The following BMP2K variants were observed in gnomAD, a reference collection of about 807,000 sequenced individuals.
BMP2K encodes the protein BMP2 inducible kinase, also known as BMP-2-inducible protein kinase.
A neutral mutation model predicts 116.0 loss-of-function variants in BMP2K; 74 were observed. The ratio of observed to expected loss-of-function variants is 0.64; its 90% CI spans 0.53 to 0.77. The LOEUF is 0.77. BMP2K is among the 30% of genes least tolerant of loss of function. The pLI is 0.00. For missense variants in BMP2K, 1,365 were observed against 1,403.6 expected (o/e 0.97, Z 0.44); for synonymous variants, 486 against 502.5 (o/e 0.97, Z 0.44).
intron 5 of BMP2K, 80 bp from the exon 6 acceptor site, chr4:78,847,108 T>A: frequency 1.3e-6 from 1 of 787,746 alleles, no homozygotes. Flanking sequence ...TGTAGTGTTT[T>A]ATGTAGAAAC....
chr4:78,872,064 T>G, intron 12 of BMP2K, 116 bp downstream of exon 12: 1 of 779,582 alleles, frequency 1.3e-6, no homozygotes, highest in Non-Finnish European at 2.0e-6. Context: ...TTAATTGACA[T>G]GTATTTTATC....
rs765886021 is a variant in BMP2K, at chr4:78,851,101, C to T, written c.883+45C>T. 4 of 1,487,102 alleles carry T rather than the reference C, an allele frequency of 2.7e-6. No individual in the cohort carries two copies. In the East Asian group the frequency reaches 9.9e-5, roughly 37 times the overall value. 92.1% of individuals were successfully genotyped at this position (1,487,102 alleles called of 1,614,324 possible). A position where few individuals can be genotyped will look rare whatever the true frequency, so the allele number is the denominator to read the frequency against. ...TATGAAAATATTGTAGGATACTGTACTTAGGGCCTACTATTTACATTCCTT... is the reference window on the plus strand; with the variant it reads ...TATGAAAATATTGTAGGATACTGTATTTAGGGCCTACTATTTACATTCCTT... On this transcript the variant is annotated intron_variant, in intron 7 of 15. Transcript: ENST00000502613.
chr4:78,844,542 TG>T (rs2061889904), intron 4 of BMP2K, among the ~76,000 whole-genome samples: 2 of 151,664 alleles, frequency 1.3e-5, no homozygotes, highest in Non-Finnish European at 1.5e-5. Context: ...AGCTGGACTC[TG>T]CCAGGTACTA....
intron 14 of BMP2K, 72 bp from the exon 15 acceptor site, chr4:78,887,102 A>T: frequency 9.5e-7 from 1 of 1,054,138 alleles, no homozygotes; most frequent in Non-Finnish European, 1.4e-6. Flanking sequence ...ATTTATATGT[A>T]TATCACTTTT....
At chr4:78,860,137 A>C (rs1246043585) in intron 8 of BMP2K, 1 of 489,898 alleles carries the variant, frequency 2.0e-6, no homozygotes, top group East Asian at 5.5e-5. Flanking sequence ...GGAACTAAAC[A>C]ATGTGTACGC....
intron 1 of BMP2K, among the ~76,000 whole-genome samples, chr4:78,798,446 GTTTTC>G (rs1728405502): frequency 1.3e-5 from 2 of 152,084 alleles, no homozygotes; most frequent in African/African-American, 2.4e-5. Flanking sequence ...AACATAACTG[GTTTTC>G]TTTTCTTAGC....
intron 1 of BMP2K, among the ~76,000 whole-genome samples, chr4:78,811,104 T>G (rs1729067922): frequency 6.6e-6 from 1 of 152,238 alleles, no homozygotes; most frequent in Non-Finnish European, 1.5e-5. Context: ...TGTACCTCAC[T>G]TTTTGTTTTT....
At chr4:78,865,774 T>C (rs112453240) in intron 10 of BMP2K, 54 bp downstream of exon 10, 15 of 1,555,720 alleles carry the variant, frequency 9.6e-6, no homozygotes, top group African/African-American at 6.8e-5. Flanking sequence ...AATAAACCTT[T>C]CATGATTTGA....
At chr4:78,796,365 A>G (rs1210960113) in intron 1 of BMP2K, among the ~76,000 whole-genome samples, 3 of 126,140 alleles carry the variant, frequency 2.4e-5, no homozygotes, top group Non-Finnish European at 4.7e-5. Flanking sequence ...GAAGGGGAAC[A>G]TCACACTCTG....
At chr4:78,820,053 ATTATC>A (rs1438223107) in intron 1 of BMP2K, among the ~76,000 whole-genome samples, 3 of 152,132 alleles carry the variant, frequency 2.0e-5, no homozygotes, top group Non-Finnish European at 2.9e-5. Flanking sequence ...TTATTGTACA[ATTATC>A]TTATGTTGGT....
intron 1 of BMP2K, among the ~76,000 whole-genome samples, chr4:78,782,174 C>G (rs977700662): frequency 3.9e-5 from 6 of 152,218 alleles, no homozygotes; most frequent in Admixed American, 3.9e-4. Flanking sequence ...TCTGTAATCC[C>G]TGTTTCCTAA....
intron 1 of BMP2K, among the ~76,000 whole-genome samples, chr4:78,783,625 G>A (rs934298425): frequency 1.4e-4 from 22 of 152,090 alleles, no homozygotes; most frequent in African/African-American, 5.1e-4. Flanking sequence ...GGCCAACAGG[G>A]TGAAACCCCA....
At chr4:78,860,862 A>G (rs540065617) in intron 8 of BMP2K, among the ~76,000 whole-genome samples, 115 of 147,630 alleles carry the variant, frequency 7.8e-4, no homozygotes, top group Non-Finnish European at 1.1e-3. Context: ...TTCTAAAAGT[A>G]GATAAGTAGA....
At chr4:78,861,512 G>T in intron 9 of BMP2K, 44 bp downstream of exon 9, 2 of 1,443,122 alleles carry the variant, frequency 1.4e-6, no homozygotes, top group South Asian at 1.2e-5. Context: ...TAAAAAAAAT[G>T]ATAGGTCTTG....
rs191135366 is a variant in BMP2K at position 78,911,353 on chromosome 4, C to T, written c.2806C>T (p.Pro936Ser). The change falls in exon 16 of 16, where the codon CCA (proline) becomes TCA (serine). Residue 936 changes from proline to serine, a missense_variant. Transcript: ENST00000502613. ...AAGTGTAGATGTATTTGGCTCCACT[C>T]CATTTCAGCCCTTCCTCACATCAAC... ...PKSVDVFGST[P>S]FQPFLTSTSK... 2 of 1,613,674 alleles carry T rather than the reference C, an allele frequency of 1.2e-6. No individual in the cohort carries two copies. Among genetic ancestry groups the T allele is most frequent in the South Asian group, 2.2e-5 (2 of 91,032 alleles).
Position 78,878,863 on chromosome 4 carries a change from G to T in BMP2K, c.1923G>T (p.Leu641Phe), listed in dbSNP as rs1732765692. ...NFSKLTEEEL[L>F]DREFDLLRSN... ...CTAAGTTAACAGAAGAGGAACTATTGGACAGAGAATTTGACCTTCTAAGAT... is the reference window on the plus strand; with the variant it reads ...CTAAGTTAACAGAAGAGGAACTATTTGACAGAGAATTTGACCTTCTAAGAT... The change falls in exon 14 of 16, where the codon TTG (leucine) becomes TTT (phenylalanine). Residue 641 changes from leucine (L) to phenylalanine (F), a missense_variant. Physicochemically the swap from Leu to Phe is conservative, Grantham distance 22. Coordinates refer to ENST00000502613, the MANE Select transcript of BMP2K (RefSeq NM_198892.2). The T allele has an allele frequency of 6.2e-7, 1 of 1,612,928 alleles. No individual in the cohort carries two copies. The highest frequency in any genetic ancestry group is 8.5e-7 in the Non-Finnish European group (1 of 1,179,618).
At chr4:78,808,939 G>T (rs1024034321) in intron 1 of BMP2K, among the ~76,000 whole-genome samples, 1 of 152,122 alleles carries the variant, frequency 6.6e-6, no homozygotes, top group Non-Finnish European at 1.5e-5. Context: ...TTGTTGAGGG[G>T]AATGTTCTAT....
At chr4:78,822,488 C>T (rs1445657811) in intron 1 of BMP2K, among the ~76,000 whole-genome samples, 1 of 152,074 alleles carries the variant, frequency 6.6e-6, no homozygotes, top group African/African-American at 2.4e-5. Flanking sequence ...TTTATAAATA[C>T]ACATTTATTT....
intron 15 of BMP2K, among the ~76,000 whole-genome samples, chr4:78,906,943 G>T (rs1349428692): frequency 6.6e-6 from 1 of 152,062 alleles, no homozygotes; most frequent in Non-Finnish European, 1.5e-5. Flanking sequence ...AGCTTTAGTA[G>T]CTGTGTTAAT....
Sources: allele counts gnomAD v4.1 joint callset (sites outside exome capture counted in the v4.1 genomes callset), GRCh38; gene constraint gnomAD v4.1.1; transcripts MANE v1.5; gene names NCBI Gene and HGNC (gene_info 2026-07-23, HGNC 2026-07-21).